TRHDE: variants seen among roughly 807,000 people sequenced by gnomAD.
TRHDE encodes thyrotropin-releasing hormone-degrading ectoenzyme.
In TRHDE, 72 loss-of-function variants were observed where a neutral mutation model predicts 125.7. The observed-to-expected ratio is 0.57, with a 90% CI of 0.47 to 0.70. The LOEUF (loss-of-function observed/expected upper bound fraction) is 0.70. Among genes scored for constraint, TRHDE ranks in the 30% least tolerant of loss-of-function variants. The pLI, the probability that TRHDE is intolerant of heterozygous loss-of-function variation, is 0.00. For synonymous variants in TRHDE, 509 were observed against 509.1 expected (o/e 1.00, Z 0.00); for missense variants, 1,110 against 1,327.1 (o/e 0.84, Z 2.54).
intron 15 of TRHDE, among the ~76,000 whole-genome samples, chr12:72,634,763 G>C (rs1412555911): frequency 1.4e-5 from 2 of 147,216 alleles, no homozygotes; most frequent in African/African-American, 2.5e-5. Flanking sequence ...TTGGTTTTTT[G>C]TTCTTGTGAT....
chr12:72,327,770 T>A (rs1298087516), intron 2 of TRHDE, among the ~76,000 whole-genome samples: 5 of 152,256 alleles, frequency 3.3e-5, no homozygotes, highest in Non-Finnish European at 7.4e-5. Context: ...AAAAAAGATG[T>A]AACATAAAAT....
chr12:72,406,555 GGA>G (rs1873274564), intron 3 of TRHDE, among the ~76,000 whole-genome samples: 1 of 152,034 alleles, frequency 6.6e-6, no homozygotes, highest in African/African-American at 2.4e-5. Context: ...TTCTCCTAAG[GGA>G]GAGATTCTCT....
intron 5 of TRHDE, among the ~76,000 whole-genome samples, chr12:72,473,735 T>C (rs1468950802): frequency 6.6e-6 from 1 of 152,052 alleles, no homozygotes; most frequent in African/African-American, 2.4e-5. Context: ...TGTGCTGTTA[T>C]AGGGCATCCT....
At chr12:72,636,306 T>C (rs1187646086) in intron 15 of TRHDE, among the ~76,000 whole-genome samples, 3 of 150,632 alleles carry the variant, frequency 2.0e-5, no homozygotes, top group African/African-American at 7.3e-5. Flanking sequence ...TCTCTGTTTG[T>C]CTGTTGTTGT....
intron 6 of TRHDE, among the ~76,000 whole-genome samples, chr12:72,519,566 A>C (rs907981544): frequency 5.3e-5 from 8 of 152,206 alleles, no homozygotes; most frequent in African/African-American, 9.6e-5. Context: ...TCAAAGTTTT[A>C]AACTTCTTTG....
intron 12 of TRHDE, among the ~76,000 whole-genome samples, chr12:72,604,262 G>C (rs1252933299): frequency 1.3e-5 from 2 of 152,010 alleles, no homozygotes; most frequent in African/African-American, 4.8e-5. Flanking sequence ...TTTTAAGGTA[G>C]CTTAACTGAG....
intron 6 of TRHDE, among the ~76,000 whole-genome samples, chr12:72,500,313 C>T (rs1005668796): frequency 3.3e-5 from 5 of 152,074 alleles, no homozygotes; most frequent in African/African-American, 4.8e-5. Context: ...ATGCACTAGC[C>T]ACTTAATAAT....
chr12:72,563,711 C>T (rs1870294191), intron 9 of TRHDE, among the ~76,000 whole-genome samples: 2 of 144,676 alleles, frequency 1.4e-5, no homozygotes, highest in Admixed American at 1.4e-4. Context: ...TGATTAAAGT[C>T]TGAGCCAAAG....
At chr12:72,381,648 G>A (rs1872189806) in intron 3 of TRHDE, among the ~76,000 whole-genome samples, 1 of 151,932 alleles carries the variant, frequency 6.6e-6, no homozygotes, top group African/African-American at 2.4e-5. Flanking sequence ...CGCCCGCCTC[G>A]GCCTCCCAAA....
intron 6 of TRHDE, among the ~76,000 whole-genome samples, chr12:72,505,987 A>C (rs1401673951): frequency 6.6e-6 from 1 of 152,170 alleles, no homozygotes; most frequent in African/African-American, 2.4e-5. Context: ...GGGGGAAAAA[A>C]GATGATGCCT....
chr12:72,625,742 T>G (rs569490747), intron 15 of TRHDE, among the ~76,000 whole-genome samples: 14 of 151,958 alleles, frequency 9.2e-5, no homozygotes, highest in Non-Finnish European at 2.1e-4. Flanking sequence ...CTTGCCAAGA[T>G]TATATGATAA....
chr12:72,599,735 C>A (rs1371634297), intron 12 of TRHDE, among the ~76,000 whole-genome samples: 1 of 152,026 alleles, frequency 6.6e-6, no homozygotes, highest in Non-Finnish European at 1.5e-5. Context: ...TTTCACTTGT[C>A]AATTTCTATT....
upstream of TRHDE, among the ~76,000 whole-genome samples, chr12:72,267,982 T>C (rs1879105245): frequency 6.6e-6 from 1 of 152,110 alleles, no homozygotes; most frequent in South Asian, 2.1e-4. Flanking sequence ...GATCAGTGGG[T>C]CAAATGTTGT....
intron 2 of TRHDE, among the ~76,000 whole-genome samples, chr12:72,334,283 A>G (rs1337585307): frequency 6.6e-6 from 1 of 152,224 alleles, no homozygotes; most frequent in African/African-American, 2.4e-5. Flanking sequence ...AATGATTTAA[A>G]GAGTAGCTAC....
intron 2 of TRHDE, among the ~76,000 whole-genome samples, chr12:72,115,736 G>T (rs1304422904): frequency 6.6e-6 from 1 of 152,080 alleles, no homozygotes; most frequent in Non-Finnish European, 1.5e-5. Flanking sequence ...TTGTATAAAA[G>T]ACATTTTACC....
At chr12:72,586,603 C>A (rs1383325370) in intron 12 of TRHDE, among the ~76,000 whole-genome samples, 1 of 152,074 alleles carries the variant, frequency 6.6e-6, no homozygotes, top group Admixed American at 6.6e-5. Flanking sequence ...GAACTCAGAT[C>A]ACATTTGAAT....
intron 15 of TRHDE, among the ~76,000 whole-genome samples, chr12:72,623,594 T>TAAAC (rs1873138562): frequency 1.3e-5 from 2 of 152,084 alleles, no homozygotes; most frequent in South Asian, 4.1e-4. Context: ...AACTGTTTTT[T>TAAAC]AAACAGTTTT....
intron 2 of TRHDE, among the ~76,000 whole-genome samples, chr12:72,342,373 T>C (rs4760764): frequency 0.12 from 18,863 of 152,108 alleles, 1,747 homozygotes; most frequent in East Asian, 0.47. Context: ...TTTCAGTATC[T>C]TGAACTCTTA....
chr12:72,332,248 C>T (rs1423635525), intron 2 of TRHDE, among the ~76,000 whole-genome samples: 1 of 152,284 alleles, frequency 6.6e-6, no homozygotes, highest in African/African-American at 2.4e-5. Flanking sequence ...ACGCCATTCT[C>T]CAGCCTCAGC....
Sources: gnomAD v4.1 joint callset for allele counts (sites outside exome capture counted in the v4.1 genomes callset) on GRCh38, gnomAD v4.1.1 for gene constraint, MANE v1.5 for transcripts, NCBI Gene and HGNC (gene_info 2026-07-23, HGNC 2026-07-21) for gene names.